The following GRIK4 variants were observed in gnomAD, a reference collection of about 807,000 sequenced individuals.
GRIK4 encodes glutamate ionotropic receptor kainate type subunit 4.
In GRIK4, 40 loss-of-function variants were observed where a neutral mutation model predicts 104.9. The observed-to-expected ratio is 0.38, with a 90% CI of 0.30 to 0.50. GRIK4 has a LOEUF of 0.50. Among genes scored for constraint, GRIK4 ranks in the 20% least tolerant of loss-of-function variants. GRIK4 has a pLI of 0.93. For missense variants in GRIK4, 1,047 were observed against 1,308.1 expected (o/e 0.80, Z 3.08); for synonymous variants, 485 against 524.9 (o/e 0.92, Z 1.04).
intron 11 of GRIK4, among the ~76,000 whole-genome samples, chr11:120,885,386 C>CT (rs201070778): frequency 0.25 from 35,904 of 145,120 alleles, 5,643 homozygotes; most frequent in East Asian, 0.49. Context: ...ATAAATTCTT[C>CT]TTTTTTTTTT....
chr11:120,889,495 G>GT (rs766480205), intron 11 of GRIK4, among the ~76,000 whole-genome samples: 15 of 139,020 alleles, frequency 1.1e-4, no homozygotes, highest in Non-Finnish European at 2.0e-4. Flanking sequence ...GAACCTGAGA[G>GT]TAAAAAAAAA....
At chr11:120,646,103 C>A (rs918523761) in intron 1 of GRIK4, among the ~76,000 whole-genome samples, 1 of 152,204 alleles carries the variant, frequency 6.6e-6, no homozygotes, top group African/African-American at 2.4e-5. Flanking sequence ...ACAAAGTACT[C>A]AAAATCATCC....
At position 120,569,520 on chromosome 11, in the gene GRIK4, C is replaced by T. The variant is rs1948371083; in HGVS notation, c.-159+57633C>T. On this transcript the variant is annotated intron_variant, in intron 1 of 20. Transcript: ENST00000527524. Reference sequence around the variant, plus strand: ...CTGCTTTGTCCAAAATTAAGAAGCTCCCCTTCTCTCATGCCCCCATTTCTA... The same window carrying T: ...CTGCTTTGTCCAAAATTAAGAAGCTTCCCTTCTCTCATGCCCCCATTTCTA... 2.6e-5 allele frequency among the ~76,000 whole-genome samples: 4 copies of T among 152,142 alleles called. No individual in the cohort carries two copies. In the South Asian group the frequency reaches 8.3e-4, roughly 32 times the overall value.
rs17245706 is a variant in GRIK4 at position 120,777,353 on chromosome 11, T to G, written c.83-25340T>G. Among the ~76,000 whole-genome samples, 904 of 152,354 alleles carry G rather than the reference T, an allele frequency of 5.9e-3. 9 individuals are homozygous for G. Among genetic ancestry groups the G allele is most frequent in the Non-Finnish European group, 9.6e-3 (651 of 68,032 alleles). ...GTAGATTTCTATCTTACAACTTGGT[T>G]TAGCCCATCTCCTCCTTTGTGAAAC... On this transcript the variant is annotated intron_variant, in intron 3 of 20. Transcript: ENST00000527524.
intron 11 of GRIK4, among the ~76,000 whole-genome samples, chr11:120,897,591 G>A (rs1285295988): frequency 3.3e-4 from 2 of 6,104 alleles, no homozygotes; most frequent in Non-Finnish European, 5.0e-4. Flanking sequence ...GACAGAACAA[G>A]ACTCCTTCTC....
chr11:120,694,684 G>A (rs1950413760), intron 3 of GRIK4, among the ~76,000 whole-genome samples: 1 of 152,194 alleles, frequency 6.6e-6, no homozygotes, highest in Admixed American at 6.5e-5. Context: ...TGCAGGAGGT[G>A]AACACTGAGG....
At chr11:120,736,449 A>ACGTACTG (rs5795242) in intron 3 of GRIK4, among the ~76,000 whole-genome samples, 14 of 151,470 alleles carry the variant, frequency 9.2e-5, no homozygotes, top group Non-Finnish European at 1.5e-4. Flanking sequence ...TACCTAGGTC[A>ACGTACTG]CTCCAGTCCA....
chr11:120,652,340 C>G (rs544256723), intron 1 of GRIK4, among the ~76,000 whole-genome samples: 83 of 152,320 alleles, frequency 5.4e-4, no homozygotes, highest in Non-Finnish European at 1.1e-3. Context: ...CTGGTGAGCA[C>G]CCAGGTTCCT....
chr11:120,733,502 G>C (rs569363335), intron 3 of GRIK4, among the ~76,000 whole-genome samples: 19 of 149,416 alleles, frequency 1.3e-4, no homozygotes, highest in Admixed American at 9.4e-4. Flanking sequence ...TATTTTTTTG[G>C]GGGGGGAGCT....
intron 1 of GRIK4, among the ~76,000 whole-genome samples, chr11:120,592,504 TC>T (rs1948747319): frequency 6.6e-6 from 1 of 152,230 alleles, no homozygotes; most frequent in African/African-American, 2.4e-5. Flanking sequence ...CTGGAAGATT[TC>T]CTAACTGAAA....
chr11:120,787,852 C>CTTTTTTTTTTTTTTTTTTTTTTTTTTTT, intron 3 of GRIK4, among the ~76,000 whole-genome samples: 1 of 77,122 alleles, frequency 1.3e-5, no homozygotes, highest in Non-Finnish European at 2.3e-5. Context: ...CTTTTCTTTT[C>CTTTTTTTTTTTTTTTTTTTTTTTTTTTT]TTTTTTTTTT....
intron 3 of GRIK4, among the ~76,000 whole-genome samples, chr11:120,732,709 A>G (rs1951156884): frequency 6.6e-6 from 1 of 152,194 alleles, no homozygotes; most frequent in African/African-American, 2.4e-5. Context: ...TATGTTTCAT[A>G]TTATTTCAAT....
intron 18 of GRIK4, among the ~76,000 whole-genome samples, chr11:120,965,839 T>A (rs143858549): frequency 2.5e-3 from 385 of 152,322 alleles, no homozygotes; most frequent in Admixed American, 0.01. Context: ...GTGATTGCAA[T>A]GCACTTGAAA....
intron 3 of GRIK4, among the ~76,000 whole-genome samples, chr11:120,703,161 C>G (rs534152630): frequency 6.6e-6 from 1 of 152,192 alleles, no homozygotes; most frequent in South Asian, 2.1e-4. Context: ...GACTTTTTGG[C>G]TAGTTTTTAA....
chr11:120,816,767 C>G (rs1952971597), intron 5 of GRIK4, among the ~76,000 whole-genome samples: 1 of 152,132 alleles, frequency 6.6e-6, no homozygotes, highest in African/African-American at 2.4e-5. Context: ...CGATCCTAGT[C>G]CTGGTCGCGT....
intron 1 of GRIK4, among the ~76,000 whole-genome samples, chr11:120,539,379 T>C (rs528636539): frequency 2.6e-5 from 4 of 152,254 alleles, no homozygotes; most frequent in Non-Finnish European, 5.9e-5. Context: ...CGATCCCTTA[T>C]GTTCGTATCC....
chr11:120,793,965 G>A (rs917817099), intron 3 of GRIK4, among the ~76,000 whole-genome samples: 3 of 151,238 alleles, frequency 2.0e-5, no homozygotes, highest in Admixed American at 6.6e-5. Context: ...GGGAAGGGTG[G>A]TGTTAGGGCT....
At position 120,526,238 on chromosome 11, in the gene GRIK4, G is replaced by T. The variant is rs1344824863; in HGVS notation, c.-159+14351G>T. Among the ~76,000 whole-genome samples, 4 of 152,104 alleles carry T rather than the reference G, an allele frequency of 2.6e-5. No individual in the cohort carries two copies. The East Asian group carries it at 7.7e-4, about 29-fold the overall frequency. On this transcript the variant is annotated intron_variant, in intron 1 of 20. Coordinates refer to ENST00000527524, the MANE Select transcript of GRIK4 (RefSeq NM_014619.5). ...TTTCCTTTGAGGCAGGTCTCACTCT[G>T]TCGCCCAGGCTGGAGTGCGGTGGCA...
At chr11:120,736,330 C>G (rs1378166116) in intron 3 of GRIK4, among the ~76,000 whole-genome samples, 1 of 152,060 alleles carries the variant, frequency 6.6e-6, no homozygotes, top group Admixed American at 6.6e-5. Context: ...TGTCTTTACT[C>G]TTCTCTCTTC....
Sources: allele counts gnomAD v4.1 joint callset (sites outside exome capture counted in the v4.1 genomes callset), GRCh38; gene constraint gnomAD v4.1.1; transcripts MANE v1.5; gene names NCBI Gene and HGNC (gene_info 2026-07-23, HGNC 2026-07-21).